B4GALNT3: variants seen among roughly 807,000 people sequenced by gnomAD.
The protein encoded by B4GALNT3 is beta-1,4-N-acetylgalactosaminyltransferase 3.
A neutral mutation model predicts 120.2 loss-of-function variants in B4GALNT3; 86 were observed. The ratio of observed to expected loss-of-function variants is 0.72; its 90% CI spans 0.60 to 0.86. The LOEUF is 0.86. Among genes scored for constraint, B4GALNT3 ranks in the 40% least tolerant of loss-of-function variants. The pLI is 0.00. For synonymous variants in B4GALNT3, 518 were observed against 510.4 expected (o/e 1.01, Z -0.20); for missense variants, 1,167 against 1,298.9 (o/e 0.90, Z 1.56).
At chr12:486,205 C>CTTTTT (rs59345776) in intron 1 of B4GALNT3, among the ~76,000 whole-genome samples, 4 of 97,984 alleles carry the variant, frequency 4.1e-5, no homozygotes, top group Non-Finnish European at 5.9e-5. Flanking sequence ...CCAAAATATT[C>CTTTTT]TTTTTTTTTT....
At position 553,554 on chromosome 12, in the gene B4GALNT3, T is replaced by A. The variant is rs1363471043; in HGVS notation, c.1631T>A (p.Met544Lys). The change falls in exon 14 of 20, where the codon ATG becomes AAG. Residue 544 changes from methionine to lysine, a missense_variant. Around this residue, in one of 3 missense-constraint regions of B4GALNT3, gnomAD observed 983 missense variants for 1,102.5 expected, o/e 0.89. Transcript: ENST00000266383. ...PGHPVKNLPQ[M>K]RGPRPRPAGD... is the part of the protein sequence containing the mutation. ...CACCCTGTGAAGAACCTGCCTCAGATGAGGGGGCCCAGGCCCAGGCCCGCT... is the reference window on the plus strand; with the variant it reads ...CACCCTGTGAAGAACCTGCCTCAGAAGAGGGGGCCCAGGCCCAGGCCCGCT... The A allele has an allele frequency of 6.2e-7, 1 of 1,613,788 alleles. No individual in the cohort carries two copies. The highest frequency in any genetic ancestry group is 8.5e-7 in the Non-Finnish European group (1 of 1,179,904).
intron 6 of B4GALNT3, 63 bp from the exon 7 acceptor site, chr12:546,583 A>G (rs947276029): frequency 2.8e-6 from 4 of 1,448,934 alleles, no homozygotes; most frequent in Middle Eastern, 1.7e-4. Context: ...TCTCGCACTC[A>G]CCGCCTCGCG....
intron 1 of B4GALNT3, among the ~76,000 whole-genome samples, chr12:481,490 C>T (rs1012229457): frequency 2.6e-5 from 4 of 152,214 alleles, no homozygotes; most frequent in African/African-American, 7.2e-5. Flanking sequence ...CTCCAGTGCC[C>T]AGCTGAGGCT....
At position 493,931 on chromosome 12, in the gene B4GALNT3, C is replaced by T. The variant is rs560585288; in HGVS notation, c.169+33386C>T. Among the ~76,000 whole-genome samples the T allele has an allele frequency of 1.1e-4, 16 of 152,246 alleles. No individual in the cohort carries two copies. The East Asian group carries it at 3.1e-3, about 29-fold the overall frequency. On this transcript the variant is annotated intron_variant, in intron 1 of 19. Transcript: ENST00000266383. ...CCATAGTTCACTCAGCGTGAGGTTCCCTCAATGAAGTTCTCATTTTTAATG... is the reference window on the plus strand; with the variant it reads ...CCATAGTTCACTCAGCGTGAGGTTCTCTCAATGAAGTTCTCATTTTTAATG...
chr12:500,885 T>TTTTTTTTTTTTTTTTTTTTG, intron 1 of B4GALNT3, among the ~76,000 whole-genome samples: 1 of 145,530 alleles, frequency 6.9e-6, no homozygotes, highest in African/African-American at 2.6e-5. Flanking sequence ...TTTTTTTTTT[T>TTTTTTTTTTTTTTTTTTTTG]GACACAGGGT....
At chr12:513,534 G>C (rs1347458692) in intron 1 of B4GALNT3, among the ~76,000 whole-genome samples, 1 of 152,188 alleles carries the variant, frequency 6.6e-6, no homozygotes, top group Non-Finnish European at 1.5e-5. Flanking sequence ...CACCATCTTG[G>C]TTTTGGTGGG....
chr12:478,734 G>A (rs919556480), intron 1 of B4GALNT3, among the ~76,000 whole-genome samples: 3 of 152,176 alleles, frequency 2.0e-5, no homozygotes, highest in East Asian at 3.8e-4. Context: ...TTCTCCAGCC[G>A]GCAGGGTTTT....
intron 10 of B4GALNT3, 27 bp downstream of exon 10, chr12:549,939 C>T (rs1165254265): frequency 6.3e-7 from 1 of 1,585,264 alleles, no homozygotes; most frequent in Non-Finnish European, 8.6e-7. Context: ...CGCTTGGCGT[C>T]CTTTCTGGGG....
intron 1 of B4GALNT3, among the ~76,000 whole-genome samples, chr12:474,117 C>G (rs1946161548): frequency 1.3e-5 from 2 of 152,314 alleles, no homozygotes; most frequent in South Asian, 4.2e-4. Flanking sequence ...ATCCATTGTC[C>G]TGAAAACAAC....
chr12:462,027 C>G (rs1946027153), intron 1 of B4GALNT3, among the ~76,000 whole-genome samples: 1 of 152,156 alleles, frequency 6.6e-6, no homozygotes, highest in Non-Finnish European at 1.5e-5. Context: ...GCTTCCACCC[C>G]GGGGCCACGA....
intron 1 of B4GALNT3, among the ~76,000 whole-genome samples, chr12:471,851 G>A (rs938719658): frequency 1.4e-4 from 22 of 152,172 alleles, no homozygotes; most frequent in African/African-American, 5.1e-4. Context: ...TCTGCTTACT[G>A]CTCTGATTTT....
At chr12:549,708 G>A (rs1295507897) in intron 9 of B4GALNT3, 61 bp from the exon 10 acceptor site, 10 of 1,602,606 alleles carry the variant, frequency 6.2e-6, no homozygotes, top group Non-Finnish European at 8.5e-6. Flanking sequence ...CCCTTCAAGG[G>A]CAGTGGGCTG....
At chr12:509,329 CACTGTGCTTTAGGAA>C (rs1946525386) in intron 1 of B4GALNT3, among the ~76,000 whole-genome samples, 1 of 152,180 alleles carries the variant, frequency 6.6e-6, no homozygotes, top group Admixed American at 6.5e-5. Context: ...GGCCTGGAGC[CACTGTGCTTTAGGAA>C]ACTCATGCGC....
At chr12:547,811 T>TA (rs1326087059) in intron 7 of B4GALNT3, among the ~76,000 whole-genome samples, 5 of 152,138 alleles carry the variant, frequency 3.3e-5, no homozygotes, top group Non-Finnish European at 7.3e-5. Context: ...GTGGAGGAGG[T>TA]ACTCTGATTA....
chr12:555,808 G>A (rs188431440), intron 14 of B4GALNT3, among the ~76,000 whole-genome samples: 6 of 150,008 alleles, frequency 4.0e-5, no homozygotes, highest in Non-Finnish European at 5.9e-5. Flanking sequence ...TTTTTGAGAC[G>A]GAGTCTCGCT....
At chr12:529,121 A>G (rs763469904) in intron 1 of B4GALNT3, among the ~76,000 whole-genome samples, 4 of 152,020 alleles carry the variant, frequency 2.6e-5, no homozygotes, top group East Asian at 1.9e-4. Context: ...CCCCTCTTGC[A>G]TACCCTTGCC....
chr12:497,753 T>G (rs1050812674), intron 1 of B4GALNT3, among the ~76,000 whole-genome samples: 2 of 152,188 alleles, frequency 1.3e-5, no homozygotes, highest in Non-Finnish European at 2.9e-5. Flanking sequence ...TCCCGCTCTT[T>G]GTGTCTAAGT....
At chr12:496,335 C>T (rs1215059479) in intron 1 of B4GALNT3, among the ~76,000 whole-genome samples, 1 of 152,108 alleles carries the variant, frequency 6.6e-6, no homozygotes, top group Non-Finnish European at 1.5e-5. Flanking sequence ...AGCGGTGGCA[C>T]ATGCATGTAG....
At chr12:463,051 G>C (rs1310193374) in intron 1 of B4GALNT3, among the ~76,000 whole-genome samples, 3 of 152,122 alleles carry the variant, frequency 2.0e-5, no homozygotes, top group African/African-American at 7.2e-5. Context: ...ACAGCAACCA[G>C]AACCAGCTTG....
Sources: allele counts gnomAD v4.1 joint callset (sites outside exome capture counted in the v4.1 genomes callset), GRCh38; gene constraint gnomAD v4.1.1; regional missense constraint gnomAD v4.1.1; transcripts MANE v1.5; gene names NCBI Gene and HGNC (gene_info 2026-07-23, HGNC 2026-07-21).